ZNF280C: variants seen among roughly 807,000 people sequenced by gnomAD.
ZNF280C encodes suppressor of hairy wing homolog 3.
In ZNF280C, 14 loss-of-function variants were observed where a neutral mutation model predicts 53.6. That is an observed-to-expected ratio of 0.26 (90% CI 0.17 to 0.41). The LOEUF (loss-of-function observed/expected upper bound fraction) is 0.41. Ranked by LOEUF, ZNF280C falls within the 10% of genes least tolerant of loss-of-function variation. The pLI is 1.00. For missense variants in ZNF280C, 416 were observed against 547.1 expected, an observed-to-expected ratio of 0.76 and a Z score of 2.39; for synonymous variants, 203 against 181.1, an observed-to-expected ratio of 1.12 and a Z score of -0.97.
At chrX:130,231,437 T>C (rs915480882) in intron 8 of ZNF280C, among the ~76,000 whole-genome samples, 33 of 111,852 alleles carry the variant, frequency 3.0e-4, no homozygotes, top group Admixed American at 2.6e-3. Context: ...GAGGCGATTA[T>C]CCTAAATGAA....
intron 5 of ZNF280C, among the ~76,000 whole-genome samples, chrX:130,240,807 T>C (rs73558271): frequency 0.064 from 7,132 of 111,910 alleles, 558 homozygotes; most frequent in African/African-American, 0.22. Context: ...GAGGCTGAGA[T>C]TCAGAAGACC....
chrX:130,220,784 C>G (rs1195537942), intron 12 of ZNF280C, among the ~76,000 whole-genome samples: 4 of 110,678 alleles, frequency 3.6e-5, no homozygotes, highest in Admixed American at 1.9e-4. Context: ...TTTGAGAAAC[C>G]CTTGACTAAA....
chrX:130,213,530 C>G (rs756847344), intron 15 of ZNF280C, among the ~76,000 whole-genome samples: 1 of 112,046 alleles, frequency 8.9e-6, no homozygotes, highest in African/African-American at 3.2e-5. Flanking sequence ...GCAAAGATAG[C>G]AAGACTAAGC....
chrX:130,222,666 CTT>C (rs762758240), intron 12 of ZNF280C, among the ~76,000 whole-genome samples: 1 of 111,536 alleles, frequency 9.0e-6, no homozygotes, highest in Admixed American at 9.5e-5. Context: ...ACAGATGATA[CTT>C]TTTTTTGTTT....
chrX:130,231,399 G>A (rs968051706), intron 8 of ZNF280C, among the ~76,000 whole-genome samples: 7 of 111,986 alleles, frequency 6.3e-5, no homozygotes, highest in African/African-American at 1.9e-4. Flanking sequence ...ATGAAATAAC[G>A]TCCTTTGCAG....
At chrX:130,233,391 C>T (rs1389925980) in intron 8 of ZNF280C, among the ~76,000 whole-genome samples, 1 of 110,851 alleles carries the variant, frequency 9.0e-6, no homozygotes, top group East Asian at 2.8e-4. Context: ...CCAAGGTGGG[C>T]GGATCACCTG....
chrX:130,226,709 A>G lies in ZNF280C; in HGVS notation c.1395+50T>C, dbSNP rs749412716. ...GCTATAGATCTATACATATAGATCT[A>G]TATCTTTTCACTAAGACAACATGAA... On this transcript the variant is annotated intron_variant, in intron 12 of 18. Transcript: ENST00000370978. 1.2e-4 allele frequency: 142 copies of G among 1,146,830 alleles called. 1 individual carries two copies. The East Asian group carries it at 2.8e-3, about 23-fold the overall frequency. The allele number at this position is 1,146,830 out of a possible 1,213,427, so 94.5% of individuals were successfully genotyped here.
At chrX:130,255,170 T>G (rs1258673103) in intron 2 of ZNF280C, among the ~76,000 whole-genome samples, 3 of 94,626 alleles carry the variant, frequency 3.2e-5, no homozygotes, top group African/African-American at 1.2e-4. Flanking sequence ...AGACGGAGTC[T>G]CGCTCTGTCA....
At chrX:130,209,429 G>A (rs1356640177) in intron 16 of ZNF280C, among the ~76,000 whole-genome samples, 3 of 111,719 alleles carry the variant, frequency 2.7e-5, no homozygotes, top group Non-Finnish European at 5.6e-5. Context: ...GATATGGTTG[G>A]AGAACCTTAT....
At chrX:130,242,609 G>A (rs774950191) in intron 5 of ZNF280C, among the ~76,000 whole-genome samples, 1 of 111,807 alleles carries the variant, frequency 8.9e-6, no homozygotes, top group Non-Finnish European at 1.9e-5. Context: ...GTGCGATCTC[G>A]GCTCACTGCA....
intron 1 of ZNF280C, among the ~76,000 whole-genome samples, chrX:130,263,754 C>T (rs141398728): frequency 3.4e-4 from 38 of 111,251 alleles, no homozygotes; most frequent in African/African-American, 1.0e-3. Flanking sequence ...AGGCCAGGTG[C>T]GGTGGCTTAT....
At chrX:130,235,122 G>A (rs777713371) in intron 8 of ZNF280C, among the ~76,000 whole-genome samples, 3 of 112,265 alleles carry the variant, frequency 2.7e-5, no homozygotes, top group Non-Finnish European at 3.8e-5. Flanking sequence ...TTACACAAAA[G>A]ATTAAGCACC....
chrX:130,266,802 G>A (rs988128346), intron 1 of ZNF280C, among the ~76,000 whole-genome samples: 1 of 111,704 alleles, frequency 9.0e-6, no homozygotes, highest in Non-Finnish European at 1.9e-5. Context: ...GTATATATTT[G>A]ATTCAAATTA....
At chrX:130,217,153 A>G (rs770508814) in intron 13 of ZNF280C, among the ~76,000 whole-genome samples, 2 of 112,417 alleles carry the variant, frequency 1.8e-5, no homozygotes, top group African/African-American at 6.5e-5. Flanking sequence ...AAACCTGTAC[A>G]TGAATTTTTA....
chrX:130,223,703 T>G (rs1057454257), intron 12 of ZNF280C, among the ~76,000 whole-genome samples: 2 of 112,037 alleles, frequency 1.8e-5, no homozygotes, highest in Admixed American at 1.9e-4. Context: ...TGTGGAGTCT[T>G]TCGTCCTTTG....
At chrX:130,243,442 C>T in intron 5 of ZNF280C, 121 bp downstream of exon 5, 1 of 840,430 alleles carries the variant, frequency 1.2e-6, no homozygotes. Flanking sequence ...CCTTGGCCTC[C>T]CAAAGTACCA....
chrX:130,256,512 C>A (rs905178342), intron 2 of ZNF280C, among the ~76,000 whole-genome samples: 1 of 110,003 alleles, frequency 9.1e-6, no homozygotes, highest in Non-Finnish European at 1.9e-5. Flanking sequence ...ATCGCTGGAA[C>A]CCGGGAGTGG....
intron 2 of ZNF280C, among the ~76,000 whole-genome samples, chrX:130,251,323 A>G (rs886394805): frequency 4.9e-5 from 5 of 102,690 alleles, no homozygotes; most frequent in Admixed American, 1.1e-4. Flanking sequence ...GCAATATTAT[A>G]CAACATTTCC....
intron 1 of ZNF280C, among the ~76,000 whole-genome samples, chrX:130,268,530 A>G (rs1482846248): frequency 8.9e-6 from 1 of 111,742 alleles, no homozygotes; most frequent in African/African-American, 3.3e-5. Context: ...GCGGGCCGCC[A>G]GGCTCTACCT....
Sources: allele counts gnomAD v4.1 joint callset (sites outside exome capture counted in the v4.1 genomes callset), GRCh38; gene constraint gnomAD v4.1.1; transcripts MANE v1.5; gene names NCBI Gene and HGNC (gene_info 2026-07-23, HGNC 2026-07-21).